ITFG1: variants seen among roughly 807,000 people sequenced by gnomAD.
ITFG1 encodes T-cell immunomodulatory protein.
Under a neutral mutation model 81.8 loss-of-function variants are expected in ITFG1, and 34 were observed. That is an observed-to-expected ratio of 0.42 (90% CI 0.32 to 0.55). ITFG1 has a LOEUF of 0.55. Ranked by LOEUF, ITFG1 falls within the 20% of genes least tolerant of loss-of-function variation. The pLI is 0.17. For missense variants in ITFG1, 672 were observed against 755.4 expected (o/e 0.89, Z 1.29); for synonymous variants, 285 against 270.6 (o/e 1.05, Z -0.52).
At chr16:47,396,361 A>T (rs1231960700) in intron 6 of ITFG1, 1 of 152,868 alleles carries the variant, frequency 6.5e-6, no homozygotes, top group Non-Finnish European at 1.5e-5. Context: ...AAGACAGAAC[A>T]CCGGCCATAC....
chr16:47,239,239 T>G (rs1448186052), intron 12 of ITFG1, among the ~76,000 whole-genome samples: 1 of 152,040 alleles, frequency 6.6e-6, no homozygotes, highest in Non-Finnish European at 1.5e-5. Context: ...TCTTGCTCTG[T>G]CGCCAGGCTG....
At chr16:47,194,790 A>T (rs770271973) in intron 14 of ITFG1, among the ~76,000 whole-genome samples, 2 of 152,162 alleles carry the variant, frequency 1.3e-5, no homozygotes, top group Non-Finnish European at 2.9e-5. Flanking sequence ...CACATGTGCC[A>T]TGGTGGTTTG....
chr16:47,214,248 T>G (rs1025902700), intron 14 of ITFG1, among the ~76,000 whole-genome samples: 23 of 152,224 alleles, frequency 1.5e-4, no homozygotes, highest in African/African-American at 5.5e-4. Flanking sequence ...TAACATCACT[T>G]CTTGCATACA....
chr16:47,352,868 C>A (rs1453380888), intron 8 of ITFG1, among the ~76,000 whole-genome samples: 2 of 152,160 alleles, frequency 1.3e-5, no homozygotes, highest in Non-Finnish European at 2.9e-5. Flanking sequence ...CCATGGAATA[C>A]TATGCAGCCA....
rs144247798 is a variant in ITFG1 at position 47,295,661 on chromosome 16, T to C, written c.1070+15579A>G. The stretch of plus-strand genomic sequence containing the variant: ...TGTTCTATCAGTTGTAATGTCTTCT[T>C]TTTCATTTCTGATTGTATTTATCTG... On this transcript the variant is annotated intron_variant, in intron 10 of 17. Coordinates refer to ENST00000320640, the MANE Select transcript of ITFG1 (RefSeq NM_030790.5). Among the ~76,000 whole-genome samples, 1,439 of 152,302 alleles carry C rather than the reference T, an allele frequency of 9.4e-3. 10 individuals carry two copies. The highest frequency in any genetic ancestry group is 0.016 in the Non-Finnish European group (1,080 of 68,024).
chr16:47,431,647 T>G (rs1158403129), intron 5 of ITFG1, among the ~76,000 whole-genome samples: 3 of 152,214 alleles, frequency 2.0e-5, no homozygotes, highest in Admixed American at 1.3e-4. Flanking sequence ...TAAATGATAC[T>G]AAATTGTACA....
chr16:47,458,237 T>C (rs1969478016), intron 2 of ITFG1, among the ~76,000 whole-genome samples: 1 of 152,220 alleles, frequency 6.6e-6, no homozygotes, highest in South Asian at 2.1e-4. Context: ...TCTTATCTCA[T>C]GTTCTTAGTC....
intron 10 of ITFG1, among the ~76,000 whole-genome samples, chr16:47,270,177 AC>A (rs1381062716): frequency 3.3e-5 from 5 of 152,156 alleles, no homozygotes; most frequent in Non-Finnish European, 4.4e-5. Context: ...CGACACTAAA[AC>A]CATATCTATA....
chr16:47,314,316 A>G (rs1194571687), intron 8 of ITFG1, among the ~76,000 whole-genome samples: 1 of 152,214 alleles, frequency 6.6e-6, no homozygotes, highest in African/African-American at 2.4e-5. Flanking sequence ...ATAGAAGAGA[A>G]AAATAAGCAT....
Position 47,258,656 on chromosome 16 carries a change from C to A in ITFG1, c.1306G>T (p.Asp436Tyr). The A allele has an allele frequency of 1.3e-6, 2 of 1,492,932 alleles. No homozygotes were observed. The highest frequency in any genetic ancestry group is 1.4e-5 in the African/African-American group (1 of 71,810). The allele number at this position is 1,492,932 out of a possible 1,614,324, so 92.5% of individuals were successfully genotyped here. A position where few individuals can be genotyped will look rare whatever the true frequency, so the allele number is the denominator to read the frequency against. ...CCAATAACTTTAACAAAATAAGCAT[C>A]TGCTTCAAAGTTATTTTTTAGTGTA... is the stretch of plus-strand genomic sequence containing the variant. ...IHTLKNNFEA[D>Y]AYFVKVIVLS... is the part of the protein sequence containing the mutation. The change falls in exon 12 of 18, where the codon GAT becomes TAT. Residue 436 changes from aspartate (D) to tyrosine (Y), a missense_variant. Transcript: ENST00000320640.
At chr16:47,393,472 T>G (rs1968556751) in intron 6 of ITFG1, among the ~76,000 whole-genome samples, 1 of 152,168 alleles carries the variant, frequency 6.6e-6, no homozygotes, top group South Asian at 2.1e-4. Flanking sequence ...GACTCATGCC[T>G]GTAATCCCAG....
chr16:47,430,903 C>T (rs781290476), intron 5 of ITFG1, among the ~76,000 whole-genome samples: 2 of 151,952 alleles, frequency 1.3e-5, no homozygotes, highest in Non-Finnish European at 2.9e-5. Flanking sequence ...TCACAATAGC[C>T]CACAAGTGGA....
chr16:47,188,320 T>G (rs577953606), intron 14 of ITFG1, among the ~76,000 whole-genome samples: 1 of 152,120 alleles, frequency 6.6e-6, no homozygotes, highest in South Asian at 2.1e-4. Flanking sequence ...GCACGTATGT[T>G]TATTGCGGCA....
intron 7 of ITFG1, among the ~76,000 whole-genome samples, chr16:47,366,333 A>C: frequency 6.6e-6 from 1 of 152,216 alleles, no homozygotes; most frequent in East Asian, 1.9e-4. Context: ...GTTGGGAACA[A>C]TTAAGAAAAG....
intron 12 of ITFG1, among the ~76,000 whole-genome samples, chr16:47,250,484 G>C (rs1966059830): frequency 6.6e-6 from 1 of 151,788 alleles, no homozygotes; most frequent in Non-Finnish European, 1.5e-5. Flanking sequence ...TGACATGATG[G>C]ATATGTTAAT....
At chr16:47,272,837 T>C (rs946117219) in intron 10 of ITFG1, among the ~76,000 whole-genome samples, 1 of 151,496 alleles carries the variant, frequency 6.6e-6, no homozygotes, top group Non-Finnish European at 1.5e-5. Flanking sequence ...ATGGTAAATG[T>C]TTAAGTGACA....
At chr16:47,253,214 C>T (rs1966098383) in intron 12 of ITFG1, among the ~76,000 whole-genome samples, 1 of 152,140 alleles carries the variant, frequency 6.6e-6, no homozygotes, top group Non-Finnish European at 1.5e-5. Flanking sequence ...AGACTCTCTT[C>T]AGTTTTCTGT....
intron 10 of ITFG1, among the ~76,000 whole-genome samples, chr16:47,261,465 T>C (rs1172026314): frequency 1.3e-5 from 2 of 152,226 alleles, no homozygotes; most frequent in Non-Finnish European, 2.9e-5. Flanking sequence ...GTTTATATTA[T>C]CTTCATTTTT....
chr16:47,381,214 A>G (rs1467799965), intron 6 of ITFG1, among the ~76,000 whole-genome samples: 1 of 152,228 alleles, frequency 6.6e-6, no homozygotes, highest in Non-Finnish European at 1.5e-5. Context: ...ATCATATTAG[A>G]AAAACTCAAA....
Sources: gnomAD v4.1 joint callset for allele counts (sites outside exome capture counted in the v4.1 genomes callset) on GRCh38, gnomAD v4.1.1 for gene constraint, MANE v1.5 for transcripts, NCBI Gene and HGNC (gene_info 2026-07-23, HGNC 2026-07-21) for gene names.